Variants in ABCA9 observed in about 807,000 individuals in gnomAD.
ABCA9 encodes ATP-binding cassette sub-family A member 9.
ABCA9 carries 183 observed loss-of-function variants against 205.3 expected under a neutral mutation model. The ratio of observed to expected loss-of-function variants is 0.89; its 90% CI spans 0.79 to 1.01. The LOEUF is 1.01. ABCA9 is among the 50% of genes least tolerant of loss of function. The pLI is 0.00. For missense variants in ABCA9, 1,805 were observed against 1,912.4 expected, an observed-to-expected ratio of 0.94 and a Z score of 1.05; for synonymous variants, 651 against 683.3, an observed-to-expected ratio of 0.95 and a Z score of 0.74.
At chr17:68,983,558 T>C (rs1541470) in intron 36 of ABCA9, 151 bp downstream of exon 36, 9 of 1,092,776 alleles carry the variant, frequency 8.2e-6, no homozygotes, top group Non-Finnish European at 1.2e-5. Flanking sequence ...CCCTCTTGTG[T>C]GAGCCCTTGG....
Position 69,028,621 on chromosome 17 carries a change from C to A in ABCA9, c.1529G>T (p.Gly510Val). Residue 510 changes from glycine to valine, a missense_variant, in exon 12 of 39, where the codon GGC becomes GTC. Transcript: ENST00000340001. The stretch of plus-strand genomic sequence containing the variant: ...GTGACCAAGGAGGGCAGTGATCTGG[C>A]CTTCATATATGTCAAACACCACACC... ...LKGVVFDIYE[G>V]QITALLGHSG... The A allele has an allele frequency of 6.2e-7, 1 of 1,604,166 alleles. No individual in the cohort carries two copies. Among genetic ancestry groups the A allele is most frequent in the Non-Finnish European group, 8.5e-7 (1 of 1,174,960 alleles).
At position 69,035,354 on chromosome 17, in the gene ABCA9, G is replaced by T. The variant is rs904431735; in HGVS notation, c.1020C>A (p.Val340=). ...CTGGGAATCCCAGGATCCCCCAAAAGACAATAAGGAGAAACACAACCAAGC... is the reference window on the plus strand; with the variant it reads ...CTGGGAATCCCAGGATCCCCCAAAATACAATAAGGAGAAACACAACCAAGC... The part of the protein sequence containing the change: ...LTGLVVFLLI[V]FWGILGFPAL... The change falls in exon 8 of 39, where the codon GTC becomes GTA. Residue 340 remains valine, a synonymous_variant. Transcript: ENST00000340001. 3 of 1,609,076 alleles carry T rather than the reference G, an allele frequency of 1.9e-6. No homozygotes were observed. In the African/African-American group the frequency reaches 4.0e-5, roughly 22 times the overall value.
upstream of ABCA9, among the ~76,000 whole-genome samples, chr17:69,061,821 G>T (rs2072262922): frequency 6.6e-6 from 1 of 152,060 alleles, no homozygotes; most frequent in Non-Finnish European, 1.5e-5. Flanking sequence ...GTTCATCTTT[G>T]GCTGAAGAAG....
At chr17:69,072,670 C>A in the ABCA9 span, among the ~76,000 whole-genome samples, 2 of 151,768 alleles carry the variant, frequency 1.3e-5, no homozygotes, top group Non-Finnish European at 2.9e-5. Context: ...ACCATCAACA[C>A]TATGAAGAAA....
intron 1 of ABCA9, among the ~76,000 whole-genome samples, chr17:69,056,380 T>C (rs1298801832): frequency 6.6e-6 from 1 of 152,192 alleles, no homozygotes; most frequent in African/African-American, 2.4e-5. Context: ...AAGAATATTA[T>C]GAACAACCCT....
At chr17:68,992,906 A>G (rs2069502144) in intron 27 of ABCA9, 110 bp downstream of exon 27, 1 of 820,232 alleles carries the variant, frequency 1.2e-6, no homozygotes, top group East Asian at 2.7e-5. Flanking sequence ...TGTTGCTTCA[A>G]ATGCCTAAAA....
At chr17:69,064,333 T>C (rs1324885864), upstream of ABCA9, among the ~76,000 whole-genome samples, 1 of 152,212 alleles carries the variant, frequency 6.6e-6, no homozygotes, top group East Asian at 1.9e-4. Flanking sequence ...CCTCAAATGT[T>C]AACAAACGTA....
intron 6 of ABCA9, among the ~76,000 whole-genome samples, chr17:69,041,065 T>C (rs946998093): frequency 1.3e-5 from 2 of 152,208 alleles, no homozygotes; most frequent in Non-Finnish European, 2.9e-5. Flanking sequence ...GAAAATTAAA[T>C]GAAATTATTT....
chr17:68,986,436 G>A (rs750615447), intron 31 of ABCA9, 112 bp from the exon 32 acceptor site: 91 of 1,051,470 alleles, frequency 8.7e-5, no homozygotes, highest in Non-Finnish European at 1.2e-4. Flanking sequence ...GGTGCTAAGT[G>A]CACAAATGCA....
At chr17:69,009,745 T>C (rs970063797) in intron 23 of ABCA9, among the ~76,000 whole-genome samples, 1 of 152,138 alleles carries the variant, frequency 6.6e-6, no homozygotes, top group Non-Finnish European at 1.5e-5. Context: ...TGGTGTTTTG[T>C]AGGAGAGATG....
At chr17:68,992,611 C>T (rs756086538) in intron 27 of ABCA9, 37 of 212,332 alleles carry the variant, frequency 1.7e-4, no homozygotes, top group African/African-American at 8.0e-4. Context: ...GTCGGAAGTT[C>T]GAGACCATCC....
intron 1 of ABCA9, among the ~76,000 whole-genome samples, chr17:69,059,542 C>G (rs2072167473): frequency 6.6e-6 from 1 of 152,096 alleles, no homozygotes; most frequent in African/African-American, 2.4e-5. Flanking sequence ...TCCCCTACAG[C>G]CCCCAGAAAG....
rs1598412352 is a variant in ABCA9 at position 69,049,300 on chromosome 17, G to A, written c.287C>T (p.Ser96Leu). The A allele has an allele frequency of 6.2e-7, 1 of 1,612,656 alleles. No individual in the cohort carries two copies. The highest frequency in any genetic ancestry group is 8.5e-7 in the Non-Finnish European group (1 of 1,179,174). Residue 96 changes from serine (S) to leucine (L), a missense_variant, in exon 3 of 39, where the codon TCA (serine) becomes TTA (leucine). Physicochemically the swap from Ser to Leu is moderately radical, Grantham distance 145. Coordinates refer to ENST00000340001, the MANE Select transcript of ABCA9 (RefSeq NM_080283.4). ...TTQEIMNKVA[S>L]APFLKGRTIM... ...GAACATACCTTTTAGGAATGGGGCT[G>A]AAGCCACTTTGTTCATTATCTCTTG...
chr17:69,012,069 A>T lies in ABCA9; in HGVS notation c.3054T>A (p.Tyr1018Ter). Residue 1018 changes from tyrosine (Y) to a stop codon, truncating the protein, a stop_gained, in exon 23 of 39, where the codon TAT becomes TAA. Transcript: ENST00000340001. LOFTEE classifies it high-confidence loss of function. ...AGGTGTTACTTCGGTACCCATACTC[A>T]TAATCCATATGCTCCTGAAATCATG... ...RSTFFEEHMD[Y>*]EYGYRSNTFF... 1 of 1,611,610 alleles carries T rather than the reference A, an allele frequency of 6.2e-7. No homozygotes were observed. Among genetic ancestry groups the T allele is most frequent in the Non-Finnish European group, 8.5e-7 (1 of 1,178,704 alleles).
chr17:68,989,294 A>ACACT (rs1360251510), intron 30 of ABCA9, among the ~76,000 whole-genome samples, 176 bp from the exon 31 acceptor site: 1 of 146,322 alleles, frequency 6.8e-6, no homozygotes, highest in Non-Finnish European at 1.5e-5. Context: ...ACACACACAC[A>ACACT]CCCCTGAGCA....
In ABCA9 at chr17:69,060,880, G is replaced by C. The variant is rs1275254970; in HGVS notation, c.-28C>G. 2 of 985,290 alleles carry C rather than the reference G, an allele frequency of 2.0e-6. No individual in the cohort carries two copies. The highest frequency in any genetic ancestry group is 2.4e-6 in the Non-Finnish European group (2 of 829,938). The allele number at this position is 985,290 out of a possible 1,614,324, so 61.0% of individuals were successfully genotyped here. ...GGTTAACTTACTCTCAGGAAAGCTGGAGGAAAAATCTAGAAACACAGTTCA... is the reference window on the plus strand; with the variant it reads ...GGTTAACTTACTCTCAGGAAAGCTGCAGGAAAAATCTAGAAACACAGTTCA... On this transcript the variant is annotated 5_prime_UTR_variant, in exon 1 of 39. Transcript: ENST00000340001.
At position 69,007,802 on chromosome 17, in the gene ABCA9, T is replaced by C. The variant is rs568011499; in HGVS notation, c.3392A>G (p.Asn1131Ser). The C allele has an allele frequency of 3.5e-5, 56 of 1,611,120 alleles. No homozygotes were observed. In the South Asian group the frequency reaches 5.7e-4, roughly 16 times the overall value. ...CCAAATGCCACTATTTTTTCTCCCA[T>C]TGCGAAAAATGAATGAAATCACATA... ...LTYVISFIFRNGRKNSGIWSF... is the reference protein window; with the variant it reads ...LTYVISFIFRSGRKNSGIWSF... The change falls in exon 25 of 39, where the codon AAT (asparagine) becomes AGT (serine). Residue 1131 changes from asparagine (N) to serine (S), a missense_variant. Physicochemically the swap from Asn to Ser is conservative, Grantham distance 46 (BLOSUM62 1). Coordinates refer to ENST00000340001, the MANE Select transcript of ABCA9 (RefSeq NM_080283.4).
chr17:69,022,031 CT>C (rs2070827374), intron 17 of ABCA9, 170 bp from the exon 18 acceptor site: 3 of 424,034 alleles, frequency 7.1e-6, no homozygotes, highest in Non-Finnish European at 1.1e-5. Flanking sequence ...CTTTTCATGT[CT>C]TTTTGAGATC....
intron 20 of ABCA9, chr17:69,018,180 C>T: frequency 9.4e-6 from 4 of 423,938 alleles, no homozygotes; most frequent in Middle Eastern, 6.1e-4. Context: ...TCCCTACCTC[C>T]TCTTTAGTTG....
Sources: gnomAD v4.1 joint callset for allele counts (sites outside exome capture counted in the v4.1 genomes callset) on GRCh38, gnomAD v4.1.1 for gene constraint, MANE v1.5 for transcripts, NCBI Gene and HGNC (gene_info 2026-07-23, HGNC 2026-07-21) for gene names.